ATG4C: variants seen among roughly 807,000 people sequenced by gnomAD.
ATG4C encodes the protein cysteine protease ATG4C.
ATG4C carries 56 observed loss-of-function variants against 57.6 expected under a neutral mutation model. The ratio of observed to expected loss-of-function variants is 0.97; its 90% CI spans 0.78 to 1.21. The LOEUF (loss-of-function observed/expected upper bound fraction) is 1.21, where lower values mean the gene tolerates loss of function less well. Among genes scored for constraint, ATG4C ranks in the 50% most tolerant of loss-of-function variants. ATG4C has a pLI of 0.00. For missense variants in ATG4C, 595 were observed against 529.8 expected (o/e 1.12, Z -1.21); for synonymous variants, 157 against 174.1 (o/e 0.90, Z 0.78).
intron 4 of ATG4C, among the ~76,000 whole-genome samples, chr1:62,818,254 A>G (rs961966901): frequency 2.0e-5 from 3 of 152,138 alleles, no homozygotes; most frequent in Non-Finnish European, 4.4e-5. Flanking sequence ...AGAAACGTAC[A>G]GGAAAATATT....
intron 9 of ATG4C, among the ~76,000 whole-genome samples, chr1:62,836,348 G>T (rs186624869): frequency 4.4e-4 from 67 of 152,180 alleles, no homozygotes; most frequent in Admixed American, 1.4e-3. Flanking sequence ...TTCTTATATA[G>T]TGGGACACTT....
chr1:62,808,411 G>C (rs975035912), intron 3 of ATG4C, among the ~76,000 whole-genome samples: 36 of 152,214 alleles, frequency 2.4e-4, no homozygotes, highest in Middle Eastern at 6.8e-3. Context: ...GGTAGGCTGT[G>C]TGGAAGTGAA....
At chr1:62,814,273 T>C (rs545674188) in intron 3 of ATG4C, among the ~76,000 whole-genome samples, 2 of 152,214 alleles carry the variant, frequency 1.3e-5, no homozygotes, top group African/African-American at 4.8e-5. Flanking sequence ...CCATAACAAA[T>C]GATAAGTTCA....
chr1:62,790,875 T>G (rs1044447248), intron 1 of ATG4C, among the ~76,000 whole-genome samples: 3 of 152,234 alleles, frequency 2.0e-5, no homozygotes, highest in African/African-American at 7.2e-5. Context: ...GCTCTTCTTT[T>G]AACTGATGAT....
intron 4 of ATG4C, among the ~76,000 whole-genome samples, chr1:62,817,184 A>T (rs1411853739): frequency 1.3e-5 from 2 of 152,138 alleles, no homozygotes; most frequent in Non-Finnish European, 2.9e-5. Context: ...CAGGTTAGTA[A>T]CAGTGATTTT....
chr1:62,797,539 C>T (rs1048760147), intron 1 of ATG4C, among the ~76,000 whole-genome samples: 3 of 152,008 alleles, frequency 2.0e-5, no homozygotes, highest in African/African-American at 4.8e-5. Context: ...TTTCTTAGGT[C>T]TAGTAAGGTT....
chr1:62,805,310 CTT>C (rs1664841309), intron 3 of ATG4C, 55 bp downstream of exon 3: 1 of 1,437,104 alleles, frequency 7.0e-7, no homozygotes, highest in Non-Finnish European at 9.1e-7. Flanking sequence ...CATCATGTAA[CTT>C]TTTATTATTT....
At chr1:62,793,913 GTTAATA>G (rs1664377675) in intron 1 of ATG4C, among the ~76,000 whole-genome samples, 1 of 152,136 alleles carries the variant, frequency 6.6e-6, no homozygotes, top group South Asian at 2.1e-4. Flanking sequence ...AACACCGTGA[GTTAATA>G]TTAAGAGCTT....
In ATG4C at chr1:62,803,803, C is replaced by G; in HGVS notation, c.17C>G (p.Thr6Arg). Residue 6 changes from threonine to arginine, a missense_variant, in exon 2 of 11, where the codon ACA becomes AGA. Physicochemically the swap from Thr to Arg is moderately conservative, Grantham distance 71 (BLOSUM62 -1). Transcript: ENST00000317868. MEATGTDEVDKLKTKF... is the reference protein window; with the variant it reads MEATGRDEVDKLKTKF... The stretch of plus-strand genomic sequence containing the variant: ...AATTTGAATATGGAGGCTACAGGAA[C>G]AGATGAAGTTGACAAGCTAAAAACC... The G allele has an allele frequency of 6.2e-7, 1 of 1,606,096 alleles. No homozygotes were observed. The highest frequency in any genetic ancestry group is 8.5e-7 in the Non-Finnish European group (1 of 1,175,520).
At chr1:62,786,820 C>T (rs1664100322) in intron 1 of ATG4C, among the ~76,000 whole-genome samples, 1 of 152,002 alleles carries the variant, frequency 6.6e-6, no homozygotes, top group Admixed American at 6.6e-5. Flanking sequence ...TAAAAAAGGA[C>T]TTGATGTTAC....
chr1:62,796,207 GTT>G (rs60552573), intron 1 of ATG4C, among the ~76,000 whole-genome samples: 13,131 of 90,524 alleles, frequency 0.15, 452 homozygotes, highest in Non-Finnish European at 0.17. Context: ...ATTTGTGTGG[GTT>G]TTTTTTTTTT....
chr1:62,812,116 G>A (rs1191559158), intron 3 of ATG4C, among the ~76,000 whole-genome samples: 1 of 151,994 alleles, frequency 6.6e-6, no homozygotes, highest in East Asian at 1.9e-4. Context: ...TCTTTGGTCT[G>A]AAGTCGATTT....
chr1:62,787,233 G>A (rs925148676), intron 1 of ATG4C, among the ~76,000 whole-genome samples: 2 of 152,074 alleles, frequency 1.3e-5, no homozygotes, highest in Admixed American at 6.5e-5. Flanking sequence ...GTAATACTAT[G>A]CCTAAAATAG....
At chr1:62,848,429 T>G (rs1293897930) in intron 10 of ATG4C, among the ~76,000 whole-genome samples, 1 of 152,226 alleles carries the variant, frequency 6.6e-6, no homozygotes, top group Non-Finnish European at 1.5e-5. Context: ...GGGATCATTT[T>G]GGTTGTCTCT....
chr1:62,845,067 G>A (rs1471777514), intron 10 of ATG4C, among the ~76,000 whole-genome samples: 1 of 151,396 alleles, frequency 6.6e-6, no homozygotes, highest in Non-Finnish European at 1.5e-5. Context: ...TAATATTCTT[G>A]TACATATCTC....
At chr1:62,822,676 G>T (rs1374608197) in intron 6 of ATG4C, among the ~76,000 whole-genome samples, 1 of 152,128 alleles carries the variant, frequency 6.6e-6, no homozygotes, top group Non-Finnish European at 1.5e-5. Context: ...ATGAGATTAG[G>T]AATTAAGTGA....
chr1:62,804,203 C>T (rs1246483379), intron 2 of ATG4C, among the ~76,000 whole-genome samples: 1 of 151,684 alleles, frequency 6.6e-6, no homozygotes, highest in Non-Finnish European at 1.5e-5. Flanking sequence ...TCTTCTGCCT[C>T]AGCCTCCTGA....
intron 10 of ATG4C, among the ~76,000 whole-genome samples, chr1:62,862,216 T>G (rs1344230512): frequency 6.6e-6 from 1 of 152,164 alleles, no homozygotes; most frequent in Non-Finnish European, 1.5e-5. Context: ...GTAGATGCAT[T>G]TTTAAATTAA....
intron 9 of ATG4C, among the ~76,000 whole-genome samples, chr1:62,837,624 G>T (rs17316576): frequency 0.2 from 30,145 of 152,144 alleles, 3,658 homozygotes; most frequent in Non-Finnish European, 0.28. Flanking sequence ...GGTTCATACA[G>T]TGGTAACTGT....
Sources: allele counts gnomAD v4.1 joint callset (sites outside exome capture counted in the v4.1 genomes callset), GRCh38; gene constraint gnomAD v4.1.1; transcripts MANE v1.5; gene names NCBI Gene and HGNC (gene_info 2026-07-23, HGNC 2026-07-21).